The following TRAPPC10 variants were observed in gnomAD, a reference collection of about 807,000 sequenced individuals.
TRAPPC10 encodes trafficking protein particle complex subunit 10.
A neutral mutation model predicts 125.5 loss-of-function variants in TRAPPC10; 23 were observed. The ratio of observed to expected loss-of-function variants is 0.18; its 90% confidence interval spans 0.13 to 0.26. The LOEUF (loss-of-function observed/expected upper bound fraction) is 0.26. Ranked by LOEUF, TRAPPC10 falls within the 10% of genes least tolerant of loss-of-function variation. TRAPPC10 has a pLI of 1.00. For synonymous variants in TRAPPC10, 509 were observed against 518.0 expected (o/e 0.98, Z 0.24); for missense variants, 1,123 against 1,308.4 (o/e 0.86, Z 2.19).
intron 6 of TRAPPC10, among the ~76,000 whole-genome samples, chr21:44,060,946 A>ACACACACG (rs1394848659): frequency 4.8e-5 from 7 of 144,562 alleles, no homozygotes; most frequent in African/African-American, 1.5e-4. Context: ...ACACACACAC[A>ACACACACG]CTTTTTTTTT....
At chr21:44,026,402 A>G (rs1251760706) in intron 1 of TRAPPC10, among the ~76,000 whole-genome samples, 1 of 152,190 alleles carries the variant, frequency 6.6e-6, no homozygotes, top group Non-Finnish European at 1.5e-5. Context: ...GCATTATTGA[A>G]CAGGCTGAGA....
At position 44,026,193 on chromosome 21, in the gene TRAPPC10, G is replaced by A. The variant is rs191023105; in HGVS notation, c.68-5898G>A. ...TCTGGATCCTTTTTTGTGCTTTCTCGTTGACCTTCACTCCCTGCCCCCACC... is the reference window on the plus strand; with the variant it reads ...TCTGGATCCTTTTTTGTGCTTTCTCATTGACCTTCACTCCCTGCCCCCACC... On this transcript the variant is annotated intron_variant, in intron 1 of 22. Transcript: ENST00000291574. 3.2e-4 allele frequency among the ~76,000 whole-genome samples: 48 copies of A among 151,820 alleles called. 1 individual carries two copies. Among genetic ancestry groups the A allele is most frequent in the East Asian group, 3.9e-4 (2 of 5,188 alleles).
intron 4 of TRAPPC10, among the ~76,000 whole-genome samples, chr21:44,055,445 A>G (rs1370680758): frequency 6.6e-6 from 1 of 151,868 alleles, no homozygotes. Flanking sequence ...ACAAAAATTA[A>G]CCAGGCATGG....
At position 44,063,649 on chromosome 21, in the gene TRAPPC10, C is replaced by T. The variant is rs1438792471; in HGVS notation, c.902C>T (p.Ala301Val). Reference sequence around the variant, plus strand: ...CGGGAATCGATCCAGAGGCGAGAAGCCACCCTGTTAGATCTGCGCAGTTAC... The same window carrying T: ...CGGGAATCGATCCAGAGGCGAGAAGTCACCCTGTTAGATCTGCGCAGTTAC... ...EKRESIQRRE[A>V]TLLDLRSYLF... The change falls in exon 7 of 23, where the codon GCC (alanine) becomes GTC (valine). Residue 301 changes from alanine (A) to valine (V), a missense_variant. Coordinates refer to ENST00000291574, the MANE Select transcript of TRAPPC10 (RefSeq NM_003274.5). The surrounding 1 kb of genome is among the most constrained non-coding windows in gnomAD (Gnocchi z 4.4). 1 of 1,614,192 alleles carries T rather than the reference C, an allele frequency of 6.2e-7. No homozygotes were observed. The highest frequency in any genetic ancestry group is 8.5e-7 in the Non-Finnish European group (1 of 1,180,036).
intron 1 of TRAPPC10, among the ~76,000 whole-genome samples, chr21:44,023,542 A>T (rs865941972): frequency 2.0e-5 from 3 of 152,198 alleles, no homozygotes; most frequent in South Asian, 4.2e-4. Flanking sequence ...GGGGTCTAAG[A>T]TAGAGGCATC....
chr21:44,014,738 T>C (rs774501550), intron 1 of TRAPPC10, among the ~76,000 whole-genome samples: 32 of 152,098 alleles, frequency 2.1e-4, no homozygotes, highest in Non-Finnish European at 4.0e-4. Context: ...TCAAGCAACA[T>C]AGTGAATGTT....
chr21:44,073,015 G>C (rs1181677010), intron 7 of TRAPPC10, among the ~76,000 whole-genome samples: 1 of 152,228 alleles, frequency 6.6e-6, no homozygotes, highest in Non-Finnish European at 1.5e-5. Context: ...GCTGCTTCCT[G>C]CTGCCCCGCT....
intron 1 of TRAPPC10, among the ~76,000 whole-genome samples, chr21:44,023,850 C>T (rs925806667): frequency 6.6e-6 from 1 of 152,224 alleles, no homozygotes; most frequent in African/African-American, 2.4e-5. Context: ...ACGATCTCAG[C>T]CCACTGCAAC....
At chr21:44,095,725 C>T (rs1444591255) in intron 20 of TRAPPC10, among the ~76,000 whole-genome samples, 4 of 152,032 alleles carry the variant, frequency 2.6e-5, no homozygotes, top group African/African-American at 4.8e-5. Flanking sequence ...TGTGCCACCA[C>T]GCCTGGCTAA....
intron 3 of TRAPPC10, among the ~76,000 whole-genome samples, chr21:44,047,856 C>CT (rs778443976): frequency 6.6e-6 from 1 of 152,194 alleles, no homozygotes; most frequent in Non-Finnish European, 1.5e-5. Context: ...TATGAAATAA[C>CT]TAAGTGACAG....
chr21:44,089,379 C>T (rs946410656), intron 17 of TRAPPC10: 1 of 368,974 alleles, frequency 2.7e-6, no homozygotes, highest in Non-Finnish European at 5.6e-6. Flanking sequence ...CATATTCAGC[C>T]TCACATGGAT....
At chr21:44,031,531 T>C (rs1356424085) in intron 1 of TRAPPC10, among the ~76,000 whole-genome samples, 1 of 152,202 alleles carries the variant, frequency 6.6e-6, no homozygotes, top group Non-Finnish European at 1.5e-5. Flanking sequence ...CTGACTTTCC[T>C]CATCTGTGAA....
chr21:44,046,418 C>A, intron 3 of TRAPPC10: 1 of 276,638 alleles, frequency 3.6e-6, no homozygotes, highest in South Asian at 4.8e-5. Flanking sequence ...CCACCACCAG[C>A]AATTGTAGCC....
chr21:44,023,447 C>T (rs2032755639), intron 1 of TRAPPC10, among the ~76,000 whole-genome samples: 1 of 152,128 alleles, frequency 6.6e-6, no homozygotes. Context: ...TATGAACATA[C>T]TTGATGTGTT....
chr21:44,041,239 A>G (rs56728128), intron 3 of TRAPPC10, among the ~76,000 whole-genome samples: 2,219 of 152,274 alleles, frequency 0.015, 52 homozygotes, highest in African/African-American at 0.049. Flanking sequence ...TGGGCCAGGT[A>G]CTTTTTTGTA....
chr21:44,081,581 C>T (rs949934888), intron 13 of TRAPPC10, among the ~76,000 whole-genome samples: 5 of 152,218 alleles, frequency 3.3e-5, no homozygotes, highest in Admixed American at 3.3e-4. Context: ...TAAGTGAATA[C>T]ACCCCAGCAG....
intron 7 of TRAPPC10, among the ~76,000 whole-genome samples, chr21:44,071,876 C>T (rs1008917304): frequency 2.6e-5 from 4 of 152,170 alleles, no homozygotes; most frequent in African/African-American, 9.7e-5. Flanking sequence ...TGGCCGAGCT[C>T]ACCTTCAGGT....
In TRAPPC10 at chr21:44,054,652, T is replaced by C. The variant is rs147662819; in HGVS notation, c.483-1046T>C. Among the ~76,000 whole-genome samples the C allele has an allele frequency of 2.4e-3, 363 of 152,364 alleles. 2 individuals are homozygous for C. Among genetic ancestry groups the C allele is most frequent in the Non-Finnish European group, 3.8e-3 (259 of 68,040 alleles). ...AATCTGTTGGGAACTTTGTGTAATT[T>C]CGTGTGTTTGACCTTTTTACATCAT... On this transcript the variant is annotated intron_variant, in intron 4 of 22. Transcript: ENST00000291574.
At chr21:44,038,315 C>T (rs947641375) in intron 3 of TRAPPC10, among the ~76,000 whole-genome samples, 3 of 152,058 alleles carry the variant, frequency 2.0e-5, no homozygotes. Context: ...CACTGTGCCC[C>T]ACGGCTGCCA....
Sources: gnomAD v4.1 joint callset for allele counts (sites outside exome capture counted in the v4.1 genomes callset) on GRCh38, gnomAD v4.1.1 for gene constraint, Gnocchi (gnomAD v3.1) non-coding constraint, MANE v1.5 for transcripts, NCBI Gene and HGNC (gene_info 2026-07-23, HGNC 2026-07-21) for gene names.